PMFBP1: variants seen among roughly 807,000 people sequenced by gnomAD.
PMFBP1 encodes polyamine modulated factor 1 binding protein 1, also known as polyamine-modulated factor 1-binding protein 1.
Under a neutral mutation model 137.8 loss-of-function variants are expected in PMFBP1, and 131 were observed. That is an observed-to-expected ratio of 0.95 (90% confidence interval 0.82 to 1.10). PMFBP1 has a LOEUF of 1.10. Among genes scored for constraint, PMFBP1 ranks in the 50% least tolerant of loss-of-function variants. PMFBP1 has a pLI of 0.00. For synonymous variants in PMFBP1, 490 were observed against 450.4 expected, an observed-to-expected ratio of 1.09 and a Z score of -1.11; for missense variants, 1,199 against 1,175.4, an observed-to-expected ratio of 1.02 and a Z score of -0.29.
the PMFBP1 span, among the ~76,000 whole-genome samples, chr16:72,246,566 A>G: frequency 4.0e-5 from 6 of 151,612 alleles, no homozygotes; most frequent in Admixed American, 1.3e-4. Context: ...GTCCCCTCTC[A>G]TCACTCCTCT....
At chr16:72,233,401 C>G in the PMFBP1 span, among the ~76,000 whole-genome samples, 1 of 152,156 alleles carries the variant, frequency 6.6e-6, no homozygotes, top group African/African-American at 2.4e-5. Context: ...CATCCTACAT[C>G]TTTGTTGGGC....
chr16:72,209,293 G>A, the PMFBP1 span, among the ~76,000 whole-genome samples: 9 of 152,122 alleles, frequency 5.9e-5, no homozygotes, highest in Admixed American at 5.9e-4. Context: ...ATGCCCATTA[G>A]CTGTCATTTC....
intron 2 of PMFBP1, among the ~76,000 whole-genome samples, chr16:72,167,631 T>C (rs1001037960): frequency 1.3e-5 from 2 of 152,172 alleles, no homozygotes; most frequent in African/African-American, 2.4e-5. Flanking sequence ...ACACTGGGAA[T>C]AGGGTATGGA....
At chr16:72,209,335 T>C in the PMFBP1 span, among the ~76,000 whole-genome samples, 2 of 152,318 alleles carry the variant, frequency 1.3e-5, no homozygotes, top group African/African-American at 2.4e-5. Flanking sequence ...TACTTTTATT[T>C]TAAAGGTCAT....
At chr16:72,220,444 A>G in the PMFBP1 span, among the ~76,000 whole-genome samples, 2 of 152,252 alleles carry the variant, frequency 1.3e-5, no homozygotes, top group African/African-American at 2.4e-5. Context: ...AATAAAAACC[A>G]AAAGCCCATG....
At chr16:72,133,526 T>C (rs1567625311) in intron 9 of PMFBP1, among the ~76,000 whole-genome samples, 1 of 152,144 alleles carries the variant, frequency 6.6e-6, no homozygotes, top group South Asian at 2.1e-4. Flanking sequence ...TCTCACTCTG[T>C]TGCTCAGGCT....
intron 20 of PMFBP1, 53 bp from the exon 21 acceptor site, chr16:72,119,407 G>T: frequency 6.2e-7 from 1 of 1,614,052 alleles, no homozygotes; most frequent in Non-Finnish European, 8.5e-7. Flanking sequence ...AATTAACGAG[G>T]TGATTCCTCA....
At chr16:72,130,086 C>G (rs1406021017) in intron 12 of PMFBP1, 127 bp downstream of exon 12, 2 of 1,273,872 alleles carry the variant, frequency 1.6e-6, no homozygotes, top group Non-Finnish European at 2.2e-6. Flanking sequence ...AACCCCTGGG[C>G]TCAAGTGATC....
chr16:72,128,899 G>A, intron 13 of PMFBP1, 105 bp from the exon 14 acceptor site: 1 of 1,532,556 alleles, frequency 6.5e-7, no homozygotes, highest in Non-Finnish European at 8.8e-7. Context: ...TCTCCACCCT[G>A]CGGGAGCTCA....
chr16:72,118,186 A>G (rs2042327299), downstream of PMFBP1, among the ~76,000 whole-genome samples: 1 of 152,258 alleles, frequency 6.6e-6, no homozygotes. Context: ...TAGTTTGAAT[A>G]AAGCAAGCCA....
the PMFBP1 span, among the ~76,000 whole-genome samples, chr16:72,220,117 A>T: frequency 6.6e-6 from 1 of 152,276 alleles, no homozygotes; most frequent in African/African-American, 2.4e-5. Flanking sequence ...TTTGAAAAGT[A>T]ACTTGGAAAT....
intron 10 of PMFBP1, 35 bp downstream of exon 10, chr16:72,132,711 GAA>G: frequency 6.2e-7 from 1 of 1,613,414 alleles, no homozygotes; most frequent in South Asian, 1.1e-5. Flanking sequence ...TAGCCCCACA[GAA>G]AAGTGTGGTG....
chr16:72,123,553 G>A lies in PMFBP1; in HGVS notation c.2686C>T (p.Gln896Ter). 1 of 1,614,034 alleles carries A rather than the reference G, an allele frequency of 6.2e-7. No individual in the cohort carries two copies. Reference sequence around the variant, plus strand: ...TTTTCCTCCCATACTCACTTCTGCTGTTTTGCCCATTGCTCCAAGTTGGTC... The same window carrying A: ...TTTTCCTCCCATACTCACTTCTGCTATTTTGCCCATTGCTCCAAGTTGGTC... ...IMTNLEQWAK[Q>*]QKVANEKLGN... The change falls in exon 18 of 21, where the codon CAG becomes TAG. Residue 896 changes from glutamine to a stop codon, truncating the protein, a stop_gained. Transcript: ENST00000237353. LOFTEE classifies it high-confidence loss of function.
chr16:72,138,316 T>C (rs1053133174), intron 7 of PMFBP1, among the ~76,000 whole-genome samples: 3 of 152,146 alleles, frequency 2.0e-5, no homozygotes, highest in African/African-American at 7.2e-5. Context: ...ACATGTGTTG[T>C]TTACTCCCTC....
Position 72,124,900 on chromosome 16 carries a change from C to G in PMFBP1, c.2456G>C (p.Ser819Thr). ...CTTCTGCCACTGCAGCACCTGGCAG[C>G]TCATCTCCTCTAGCTTCTTGTCAAA... ...HAFDKKLEEM[S>T]CQVLQWQKQH... The change falls in exon 17 of 21, where the codon AGC (serine) becomes ACC (threonine). Residue 819 changes from serine (S) to threonine (T), a missense_variant. Coordinates refer to ENST00000237353, the MANE Select transcript of PMFBP1 (RefSeq NM_031293.3). 1 of 1,614,192 alleles carries G rather than the reference C, an allele frequency of 6.2e-7. No homozygotes were observed. Among genetic ancestry groups the G allele is most frequent in the South Asian group, 1.1e-5 (1 of 91,086 alleles).
intron 10 of PMFBP1, among the ~76,000 whole-genome samples, chr16:72,131,116 A>C (rs1320160396): frequency 6.6e-6 from 1 of 152,192 alleles, no homozygotes; most frequent in East Asian, 1.9e-4. Context: ...CATGGGTTAG[A>C]ACGCTTGGAG....
At chr16:72,168,962 A>G (rs1411398729) in intron 2 of PMFBP1, among the ~76,000 whole-genome samples, 1 of 152,248 alleles carries the variant, frequency 6.6e-6, no homozygotes, top group Non-Finnish European at 1.5e-5. Flanking sequence ...GTTTCCAAGT[A>G]TTAACAGTCT....
chr16:72,129,330 A>G, intron 12 of PMFBP1, 97 bp from the exon 13 acceptor site: 1 of 1,358,092 alleles, frequency 7.4e-7, no homozygotes, highest in Non-Finnish European at 9.9e-7. Context: ...GCTGAGATGA[A>G]GAAGAAGACA....
rs749803936 is a variant in PMFBP1 at position 72,132,938 on chromosome 16, C to T, written c.1257G>A (p.Gln419=). The change falls in exon 10 of 21, where the codon CAG becomes CAA. Residue 419 remains glutamine, a synonymous_variant. Coordinates refer to ENST00000237353, the MANE Select transcript of PMFBP1 (RefSeq NM_031293.3). ...MLQELEKKLT[Q]VQNSLLKKEK... ...CCTTTTTCAGGAGGCTGTTCTGAAC[C>T]TGTGTCAGTTTCTTCTCCAGCTCTT... 3.7e-6 allele frequency: 6 copies of T among 1,614,184 alleles called. No homozygotes were observed. The highest frequency in any genetic ancestry group is 4.5e-5 in the East Asian group (2 of 44,880).
Sources: allele counts gnomAD v4.1 joint callset (sites outside exome capture counted in the v4.1 genomes callset), GRCh38; gene constraint gnomAD v4.1.1; transcripts MANE v1.5; gene names NCBI Gene and HGNC (gene_info 2026-07-23, HGNC 2026-07-21).